Variants in LRP1B observed in about 807,000 individuals in gnomAD.
LRP1B encodes LDL receptor related protein 1B.
A neutral mutation model predicts 556.6 loss-of-function variants in LRP1B; 217 were observed. That is an observed-to-expected ratio of 0.39 (90% CI 0.35 to 0.44). The LOEUF is 0.44. LRP1B is among the 20% of genes least tolerant of loss of function. The probability of loss-of-function intolerance (pLI) is 1.00; values close to 1 mark genes in which losing one functional copy is unlikely to be tolerated. For missense variants in LRP1B, 5,053 were observed against 5,620.8 expected (o/e 0.90, Z 3.23); for synonymous variants, 2,047 against 1,865.8 (o/e 1.10, Z -2.50).
chr2:142,077,259 ATTC>A (rs1705536656), intron 1 of LRP1B, among the ~76,000 whole-genome samples: 1 of 152,100 alleles, frequency 6.6e-6, no homozygotes, highest in Non-Finnish European at 1.5e-5. Context: ...ACTTTAACAT[ATTC>A]TTATAAAGAG....
At chr2:140,393,146 A>C (rs1181297474) in intron 66 of LRP1B, among the ~76,000 whole-genome samples, 1 of 146,140 alleles carries the variant, frequency 6.8e-6, no homozygotes, top group Non-Finnish European at 1.5e-5. Flanking sequence ...CCCATTCTAC[A>C]TTTTTTTTTT....
At position 141,977,436 on chromosome 2, in the gene LRP1B, C is replaced by T. The variant is rs182219549; in HGVS notation, c.82+153212G>A. On this transcript the variant is annotated intron_variant, in intron 1 of 90. Coordinates refer to ENST00000389484, the MANE Select transcript of LRP1B (RefSeq NM_018557.3). ...AAAATGCAAAAATTATCCAGGAATG[C>T]TTGTAATCCCAGCCACTTGGGAGGC... 2.6e-3 allele frequency among the ~76,000 whole-genome samples: 401 copies of T among 152,050 alleles called. 2 individuals are homozygous for T. Among genetic ancestry groups the T allele is most frequent in the African/African-American group, 8.9e-3 (371 of 41,476 alleles).
intron 27 of LRP1B, among the ~76,000 whole-genome samples, chr2:140,858,941 TC>T (rs1267706374): frequency 6.6e-6 from 1 of 152,194 alleles, no homozygotes; most frequent in Non-Finnish European, 1.5e-5. Flanking sequence ...TGCATAGTAT[TC>T]CATGGTGTAT....
intron 41 of LRP1B, among the ~76,000 whole-genome samples, chr2:140,649,394 A>G (rs567964115): frequency 1.3e-5 from 2 of 152,294 alleles, no homozygotes; most frequent in African/African-American, 4.8e-5. Context: ...CATATCCTAC[A>G]AATAGCACTT....
intron 1 of LRP1B, among the ~76,000 whole-genome samples, chr2:142,112,612 G>C (rs1039704729): frequency 6.6e-6 from 1 of 152,066 alleles, no homozygotes; most frequent in Non-Finnish European, 1.5e-5. Context: ...AGACTACATT[G>C]ATTTCCTCAT....
At chr2:140,414,406 T>A (rs887488004) in intron 66 of LRP1B, among the ~76,000 whole-genome samples, 2 of 152,172 alleles carry the variant, frequency 1.3e-5, no homozygotes, top group African/African-American at 4.8e-5. Flanking sequence ...ATACACTTAT[T>A]GTTCTGATCT....
intron 5 of LRP1B, among the ~76,000 whole-genome samples, chr2:141,237,749 C>T (rs1346055648): frequency 6.6e-6 from 1 of 152,080 alleles, no homozygotes; most frequent in Non-Finnish European, 1.5e-5. Flanking sequence ...ACAATAACAT[C>T]ATGCCCTCCC....
chr2:140,725,611 C>G (rs990106189), intron 35 of LRP1B, among the ~76,000 whole-genome samples: 1 of 151,072 alleles, frequency 6.6e-6, no homozygotes, highest in South Asian at 2.1e-4. Context: ...GTGCAGCACA[C>G]CAACATGACA....
chr2:142,066,467 A>G (rs1334779156), intron 1 of LRP1B, among the ~76,000 whole-genome samples: 1 of 151,508 alleles, frequency 6.6e-6, no homozygotes, highest in Non-Finnish European at 1.5e-5. Flanking sequence ...AGTTTCTGCC[A>G]TTACATAACA....
chr2:140,674,079 G>T (rs943045930), intron 41 of LRP1B, among the ~76,000 whole-genome samples: 2 of 151,630 alleles, frequency 1.3e-5, no homozygotes, highest in African/African-American at 4.8e-5. Context: ...CCCCTGAGAA[G>T]CTGGGATTAC....
chr2:140,276,386 A>G (rs933713168), intron 84 of LRP1B, among the ~76,000 whole-genome samples: 2 of 151,944 alleles, frequency 1.3e-5, no homozygotes, highest in East Asian at 1.9e-4. Flanking sequence ...GGTTTTGGCT[A>G]TATTTAAGAC....
At chr2:141,075,575 A>G (rs1010632911) in intron 7 of LRP1B, among the ~76,000 whole-genome samples, 10 of 152,186 alleles carry the variant, frequency 6.6e-5, no homozygotes, top group Admixed American at 6.5e-4. Flanking sequence ...CATGTGGAAC[A>G]GTAAAGTATT....
At chr2:141,592,015 T>C (rs1687357660) in intron 2 of LRP1B, among the ~76,000 whole-genome samples, 1 of 152,236 alleles carries the variant, frequency 6.6e-6, no homozygotes, top group Non-Finnish European at 1.5e-5. Flanking sequence ...AGTAACAATT[T>C]GGTTGCAACT....
intron 61 of LRP1B, 34 bp downstream of exon 61, chr2:140,457,429 A>G (rs1156459864): frequency 6.8e-7 from 1 of 1,478,650 alleles, no homozygotes. Flanking sequence ...AAAGATGTTA[A>G]TGCATTTATG....
chr2:140,794,478 A>AACACACACACACAC (rs6146938), intron 32 of LRP1B, among the ~76,000 whole-genome samples: 105 of 150,030 alleles, frequency 7.0e-4, no homozygotes, highest in Non-Finnish European at 1.3e-3. Context: ...AGCTATTTAA[A>AACACACACACACAC]ACACACACAC....
At chr2:141,539,871 A>C (rs1685192912) in intron 2 of LRP1B, among the ~76,000 whole-genome samples, 1 of 152,178 alleles carries the variant, frequency 6.6e-6, no homozygotes, top group South Asian at 2.1e-4. Context: ...TAAAAATGTA[A>C]GAGCATGGGA....
At chr2:141,102,041 A>C (rs2104941128) in intron 7 of LRP1B, among the ~76,000 whole-genome samples, 1 of 152,254 alleles carries the variant, frequency 6.6e-6, no homozygotes, top group South Asian at 2.1e-4. Context: ...AGTATTATAC[A>C]ATTTATGGGG....
At chr2:141,717,297 T>C (rs972868430) in intron 2 of LRP1B, among the ~76,000 whole-genome samples, 6 of 152,320 alleles carry the variant, frequency 3.9e-5, no homozygotes, top group African/African-American at 1.4e-4. Flanking sequence ...AAAAGTCAAA[T>C]GTGATGGGTA....
intron 86 of LRP1B, among the ~76,000 whole-genome samples, chr2:140,257,890 A>C (rs185343803): frequency 1.7e-4 from 26 of 152,270 alleles, no homozygotes; most frequent in Admixed American, 1.7e-3. Context: ...GCATTCTCTA[A>C]GGGACCACAA....
Sources: gnomAD v4.1 joint callset for allele counts (sites outside exome capture counted in the v4.1 genomes callset) on GRCh38, gnomAD v4.1.1 for gene constraint, MANE v1.5 for transcripts, NCBI Gene and HGNC (gene_info 2026-07-23, HGNC 2026-07-21) for gene names.